FMN2: variants seen among roughly 807,000 people sequenced by gnomAD.
FMN2 encodes formin-2.
Under a neutral mutation model 142.3 loss-of-function variants are expected in FMN2, and 51 were observed. The observed-to-expected ratio is 0.36, with a 90% CI of 0.29 to 0.45. The LOEUF is 0.45. Among genes scored for constraint, FMN2 ranks in the 20% least tolerant of loss-of-function variants. The probability of loss-of-function intolerance (pLI) is 1.00; values close to 1 mark genes in which losing one functional copy is unlikely to be tolerated. For synonymous variants in FMN2, 882 were observed against 869.8 expected, an observed-to-expected ratio of 1.01 and a Z score of -0.25; for missense variants, 1,936 against 2,122.8, an observed-to-expected ratio of 0.91 and a Z score of 1.73.
chr1:240,327,971 AC>A (rs1671227816), intron 8 of FMN2, among the ~76,000 whole-genome samples: 1 of 151,670 alleles, frequency 6.6e-6, no homozygotes, highest in Non-Finnish European at 1.5e-5. Flanking sequence ...ACATGGTGAA[AC>A]CCTGTCTCTA....
intron 1 of FMN2, among the ~76,000 whole-genome samples, chr1:240,115,961 C>A (rs1280596589): frequency 6.6e-6 from 1 of 152,168 alleles, no homozygotes; most frequent in African/African-American, 2.4e-5. Flanking sequence ...GCCCCTCCCC[C>A]TTAAAGAACA....
intron 16 of FMN2, among the ~76,000 whole-genome samples, chr1:240,463,339 G>C (rs902089795): frequency 1.3e-5 from 2 of 152,178 alleles, no homozygotes; most frequent in African/African-American, 4.8e-5. Context: ...GGGTGGGGAA[G>C]AGGGAGAGAA....
In FMN2 at chr1:240,454,172, G is replaced by A. The variant is rs187612425; in HGVS notation, c.5060+15962G>A. Among the ~76,000 whole-genome samples, 68 of 130,858 alleles carry A rather than the reference G, an allele frequency of 5.2e-4. 1 individual carries two copies. Among genetic ancestry groups the A allele is most frequent in the African/African-American group, 1.6e-3 (56 of 35,700 alleles). 85.8% of individuals were successfully genotyped at this position (130,858 alleles called of 152,430 possible). On this transcript the variant is annotated intron_variant, in intron 16 of 17. Coordinates refer to ENST00000319653, the MANE Select transcript of FMN2 (RefSeq NM_020066.5). ...CCTGTGCTTTCTTCACTGTGGATCC[G>A]TAGCAATCATGGCGTTTTCTCTTTT...
At chr1:240,103,015 C>A (rs1466713546) in intron 1 of FMN2, among the ~76,000 whole-genome samples, 1 of 152,010 alleles carries the variant, frequency 6.6e-6, no homozygotes, top group Non-Finnish European at 1.5e-5. Flanking sequence ...TAGGCACATG[C>A]CACCACACCC....
At chr1:240,170,457 A>G (rs1455881353) in intron 2 of FMN2, 2 of 1,363,062 alleles carry the variant, frequency 1.5e-6, no homozygotes, top group Non-Finnish European at 2.1e-6. Flanking sequence ...TACATCCCAC[A>G]GTGTGGAGAA....
chr1:240,096,250 A>T (rs1400271732), intron 1 of FMN2, among the ~76,000 whole-genome samples: 2 of 152,218 alleles, frequency 1.3e-5, no homozygotes, highest in Non-Finnish European at 2.9e-5. Context: ...AACTGTTTAT[A>T]AAAAATGTGA....
chr1:240,271,624 A>G (rs1669021027), intron 7 of FMN2, among the ~76,000 whole-genome samples: 1 of 152,038 alleles, frequency 6.6e-6, no homozygotes. Flanking sequence ...TGAAATGTAA[A>G]GTCATTGAGA....
intron 6 of FMN2, among the ~76,000 whole-genome samples, chr1:240,246,437 T>C (rs1042228235): frequency 2.0e-4 from 31 of 152,152 alleles, no homozygotes; most frequent in Admixed American, 6.5e-5. Context: ...AGTACCTCAC[T>C]GAATATCCAC....
intron 7 of FMN2, among the ~76,000 whole-genome samples, chr1:240,260,944 A>T (rs1668603576): frequency 6.6e-6 from 1 of 152,184 alleles, no homozygotes; most frequent in African/African-American, 2.4e-5. Context: ...GTGAGAGATG[A>T]GGATCCAGTT....
chr1:240,373,059 C>G (rs909316098), intron 14 of FMN2, among the ~76,000 whole-genome samples: 1 of 152,090 alleles, frequency 6.6e-6, no homozygotes, highest in Non-Finnish European at 1.5e-5. Flanking sequence ...TGGTGCACAC[C>G]TGTAATCCCA....
At chr1:240,393,623 C>G (rs932856834) in intron 15 of FMN2, among the ~76,000 whole-genome samples, 1 of 152,168 alleles carries the variant, frequency 6.6e-6, no homozygotes, top group Non-Finnish European at 1.5e-5. Context: ...AATGGTTAAC[C>G]TTAATGAGGA....
chr1:240,208,882 T>C, intron 5 of FMN2, 150 bp downstream of exon 5: 2 of 1,021,912 alleles, frequency 2.0e-6, no homozygotes, highest in South Asian at 1.9e-5. Context: ...AGTGCAGCAG[T>C]TTGCTATTTA....
intron 13 of FMN2, among the ~76,000 whole-genome samples, chr1:240,349,450 T>G (rs764515996): frequency 2.6e-5 from 4 of 152,146 alleles, no homozygotes; most frequent in Non-Finnish European, 5.9e-5. Flanking sequence ...TGATTAACAT[T>G]GATTGAACTT....
At chr1:240,387,588 C>G (rs1673447836) in intron 14 of FMN2, among the ~76,000 whole-genome samples, 2 of 152,158 alleles carry the variant, frequency 1.3e-5, no homozygotes, top group Non-Finnish European at 2.9e-5. Flanking sequence ...GAAATAAAAT[C>G]TATTAAATAT....
At chr1:240,285,543 G>A (rs1251817977) in intron 7 of FMN2, among the ~76,000 whole-genome samples, 1 of 144,380 alleles carries the variant, frequency 6.9e-6, no homozygotes, top group African/African-American at 2.6e-5. Context: ...GGTGGCAGTA[G>A]TGAGCCCTAG....
intron 15 of FMN2, among the ~76,000 whole-genome samples, chr1:240,427,097 A>G (rs968462608): frequency 1.4e-4 from 22 of 152,026 alleles, no homozygotes; most frequent in African/African-American, 5.3e-4. Context: ...CTAAAAAATG[A>G]TTAGGCCCTA....
intron 2 of FMN2, among the ~76,000 whole-genome samples, chr1:240,162,186 C>G (rs1054099418): frequency 9.3e-5 from 14 of 150,664 alleles, no homozygotes; most frequent in African/African-American, 2.9e-4. Flanking sequence ...GCAAAAGCAG[C>G]TGGGCATGGT....
At chr1:240,262,838 A>G (rs1173195656) in intron 7 of FMN2, among the ~76,000 whole-genome samples, 1 of 145,258 alleles carries the variant, frequency 6.9e-6, no homozygotes, top group African/African-American at 2.6e-5. Flanking sequence ...TCAGCTCACT[A>G]CAATCTCCGC....
chr1:240,265,320 G>T (rs1230798035), intron 7 of FMN2, among the ~76,000 whole-genome samples: 2 of 152,016 alleles, frequency 1.3e-5, no homozygotes, highest in African/African-American at 2.4e-5. Flanking sequence ...AGAGTTCCTT[G>T]CTCTTGATTG....
Sources: allele counts gnomAD v4.1 joint callset (sites outside exome capture counted in the v4.1 genomes callset), GRCh38; gene constraint gnomAD v4.1.1; transcripts MANE v1.5; gene names NCBI Gene and HGNC (gene_info 2026-07-23, HGNC 2026-07-21).